GALNT14: variants seen among roughly 807,000 people sequenced by gnomAD.
GALNT14 encodes the protein polypeptide N-acetylgalactosaminyltransferase 14.
GALNT14 carries 60 observed loss-of-function variants against 77.5 expected under a neutral mutation model. The ratio of observed to expected loss-of-function variants is 0.77; its 90% CI spans 0.63 to 0.96. The LOEUF (loss-of-function observed/expected upper bound fraction) is 0.96. GALNT14 is among the 40% of genes least tolerant of loss of function. GALNT14 has a pLI of 0.00. For missense variants in GALNT14, 710 were observed against 731.0 expected (o/e 0.97, Z 0.33); for synonymous variants, 280 against 281.7 (o/e 0.99, Z 0.06).
At position 31,049,821 on chromosome 2, in the gene GALNT14, C is replaced by T. The variant is rs80103349; in HGVS notation, c.130-56814G>A. On this transcript the variant is annotated intron_variant, in intron 1 of 14. Coordinates refer to ENST00000349752, the MANE Select transcript of GALNT14 (RefSeq NM_024572.4). The stretch of plus-strand genomic sequence containing the variant: ...GACTGCACATTAAACTTTACTACAA[C>T]GCACAGCTTGTAAATGGCATTAAAA... 8.4e-3 allele frequency among the ~76,000 whole-genome samples: 1,285 copies of T among 152,320 alleles called. 18 individuals are homozygous for T. Among genetic ancestry groups the T allele is most frequent in the African/African-American group, 0.029 (1,190 of 41,564 alleles).
chr2:31,006,551 G>A (rs998829276), intron 1 of GALNT14, among the ~76,000 whole-genome samples: 4 of 152,210 alleles, frequency 2.6e-5, no homozygotes, highest in Middle Eastern at 3.4e-3. Flanking sequence ...ACCCAGGCAC[G>A]CAGATTCCAT....
At chr2:31,130,080 G>C (rs1396966941) in intron 1 of GALNT14, among the ~76,000 whole-genome samples, 1 of 152,186 alleles carries the variant, frequency 6.6e-6, no homozygotes, top group Non-Finnish European at 1.5e-5. Flanking sequence ...GATCTCTGTA[G>C]TGCTTACAGT....
intron 1 of GALNT14, among the ~76,000 whole-genome samples, chr2:31,123,181 CAAAAAA>C (rs11397679): frequency 1.0e-5 from 1 of 96,866 alleles, no homozygotes; most frequent in African/African-American, 4.2e-5. Flanking sequence ...GACTCCATCT[CAAAAAA>C]AAAAAAAAAA....
chr2:30,955,784 A>G, intron 5 of GALNT14, 45 bp from the exon 6 acceptor site: 1 of 1,612,060 alleles, frequency 6.2e-7, no homozygotes, highest in East Asian at 2.2e-5. Context: ...CTGTCACTCC[A>G]TTGTCCAGCG....
At chr2:30,980,123 G>A (rs74454185) in intron 2 of GALNT14, among the ~76,000 whole-genome samples, 1 of 152,298 alleles carries the variant, frequency 6.6e-6, no homozygotes, top group African/African-American at 2.4e-5. Context: ...CTGCTCACAT[G>A]CCCTGCACCC....
intron 1 of GALNT14, chr2:31,129,788 A>G: frequency 2.3e-6 from 1 of 429,706 alleles, no homozygotes; most frequent in Non-Finnish European, 3.1e-6. Flanking sequence ...ATAAATCTTC[A>G]GCCCAGACAA....
intron 1 of GALNT14, among the ~76,000 whole-genome samples, chr2:31,036,048 G>C (rs1403387567): frequency 2.0e-5 from 3 of 152,192 alleles, no homozygotes; most frequent in Non-Finnish European, 4.4e-5. Context: ...GTGTCTTATA[G>C]AGAGCAAATA....
intron 1 of GALNT14, among the ~76,000 whole-genome samples, chr2:31,137,738 C>T (rs1049448748): frequency 2.4e-4 from 37 of 152,284 alleles, no homozygotes; most frequent in African/African-American, 8.9e-4. Flanking sequence ...GCGCCCACCA[C>T]CCACACCCAC....
Position 30,967,486 on chromosome 2 carries a change from G to A in GALNT14, c.300-1184C>T, listed in dbSNP as rs10211221. Among the ~76,000 whole-genome samples, 1,026 of 152,292 alleles carry A rather than the reference G, an allele frequency of 6.7e-3. 3 individuals are homozygous for A. The highest frequency in any genetic ancestry group is 0.034 in the Middle Eastern group (10 of 292). On this transcript the variant is annotated intron_variant, in intron 2 of 14. Coordinates refer to ENST00000349752, the MANE Select transcript of GALNT14 (RefSeq NM_024572.4). ...TATTTAGAAAAAGCCAGGCAGCTCT[G>A]ATCAGGACTCAAGCATGGGCTGGGC... is the stretch of plus-strand genomic sequence containing the variant.
chr2:31,074,181 G>A (rs1365839876), intron 1 of GALNT14, among the ~76,000 whole-genome samples: 3 of 152,138 alleles, frequency 2.0e-5, no homozygotes, highest in East Asian at 1.9e-4. Flanking sequence ...CCAGGGAGAC[G>A]GTGCCAAGCA....
chr2:31,036,552 A>T (rs557080761), intron 1 of GALNT14, among the ~76,000 whole-genome samples: 48 of 152,284 alleles, frequency 3.2e-4, no homozygotes, highest in African/African-American at 1.1e-3. Context: ...ACAAAAATAC[A>T]TTTAATTACC....
intron 3 of GALNT14, among the ~76,000 whole-genome samples, chr2:30,965,454 C>T (rs1363362183): frequency 2.2e-5 from 1 of 45,692 alleles, no homozygotes. Context: ...GAGGGGAGGG[C>T]GGGCATGGGG....
At chr2:30,970,391 G>A (rs1242052520) in intron 2 of GALNT14, among the ~76,000 whole-genome samples, 1 of 152,132 alleles carries the variant, frequency 6.6e-6, no homozygotes, top group Non-Finnish European at 1.5e-5. Flanking sequence ...TGTAAAATGA[G>A]GATAAATACA....
chr2:31,058,007 T>C lies in GALNT14; in HGVS notation c.130-65000A>G, dbSNP rs565788134. Among the ~76,000 whole-genome samples, 5 of 152,210 alleles carry C rather than the reference T, an allele frequency of 3.3e-5. No homozygotes were observed. The South Asian group carries it at 1.0e-3, about 32-fold the overall frequency. ...GGGGACCTCTGCCAGGGCTCCAGGG[T>C]AGCTCCCTCCACCAGTAACACTATT... On this transcript the variant is annotated intron_variant, in intron 1 of 14. Transcript: ENST00000349752.
At chr2:31,038,785 G>A (rs935829496) in intron 1 of GALNT14, among the ~76,000 whole-genome samples, 13 of 148,140 alleles carry the variant, frequency 8.8e-5, no homozygotes, top group Non-Finnish European at 1.5e-4. Flanking sequence ...TCACTGTGTC[G>A]CCCAGGCTGG....
chr2:30,899,162 C>T, the GALNT14 span, among the ~76,000 whole-genome samples: 1 of 152,214 alleles, frequency 6.6e-6, no homozygotes, highest in East Asian at 1.9e-4. Context: ...CATGGTCACA[C>T]TAAAAGCATC....
chr2:31,074,841 T>G (rs1675659633), intron 1 of GALNT14, among the ~76,000 whole-genome samples: 1 of 152,034 alleles, frequency 6.6e-6, no homozygotes, highest in African/African-American at 2.4e-5. Context: ...ACTCAGACTG[T>G]AAAGGCCATG....
the GALNT14 span, among the ~76,000 whole-genome samples, chr2:30,887,073 T>G: frequency 6.6e-6 from 1 of 152,252 alleles, no homozygotes; most frequent in South Asian, 2.1e-4. Context: ...TTTTCATGTC[T>G]GAATAATATT....
At chr2:30,963,087 A>G (rs1305083972) in intron 3 of GALNT14, among the ~76,000 whole-genome samples, 1 of 152,104 alleles carries the variant, frequency 6.6e-6, no homozygotes, top group Non-Finnish European at 1.5e-5. Context: ...CTTGGGTCTG[A>G]GCTCGGGGCT....
Sources: gnomAD v4.1 joint callset for allele counts (sites outside exome capture counted in the v4.1 genomes callset) on GRCh38, gnomAD v4.1.1 for gene constraint, MANE v1.5 for transcripts, NCBI Gene and HGNC (gene_info 2026-07-23, HGNC 2026-07-21) for gene names.